Variants in CTNNA3 observed in about 807,000 individuals in gnomAD.
CTNNA3 encodes catenin alpha-3.
CTNNA3 carries 76 observed loss-of-function variants against 95.7 expected under a neutral mutation model. The ratio of observed to expected loss-of-function variants is 0.79; its 90% CI spans 0.66 to 0.96. The LOEUF (loss-of-function observed/expected upper bound fraction) is 0.96. CTNNA3 is among the 40% of genes least tolerant of loss of function. The pLI is 0.00. For missense variants in CTNNA3, 1,191 were observed against 1,089.8 expected, an observed-to-expected ratio of 1.09 and a Z score of -1.31; for synonymous variants, 431 against 374.4, an observed-to-expected ratio of 1.15 and a Z score of -1.74.
chr10:66,114,585 AAT>A (rs888919398), intron 13 of CTNNA3, among the ~76,000 whole-genome samples: 1 of 151,558 alleles, frequency 6.6e-6, no homozygotes, highest in Non-Finnish European at 1.5e-5. Context: ...TAAAATGAAA[AAT>A]ATATATATAT....
intron 11 of CTNNA3, among the ~76,000 whole-genome samples, chr10:66,402,251 A>G (rs2093026914): frequency 6.6e-6 from 1 of 152,196 alleles, no homozygotes; most frequent in African/African-American, 2.4e-5. Flanking sequence ...TGCATTTTTT[A>G]TTATGAGAAC....
chr10:66,238,939 A>G (rs900965337), intron 13 of CTNNA3, among the ~76,000 whole-genome samples: 2 of 151,894 alleles, frequency 1.3e-5, no homozygotes, highest in Non-Finnish European at 2.9e-5. Context: ...TATGGTTTGT[A>G]TTTATGAGGA....
chr10:66,793,536 C>G (rs975786110), intron 7 of CTNNA3, among the ~76,000 whole-genome samples: 1 of 151,910 alleles, frequency 6.6e-6, no homozygotes, highest in Non-Finnish European at 1.5e-5. Flanking sequence ...TGTCCAGTAT[C>G]TATTATACAC....
At chr10:67,475,359 A>G (rs1847970265) in intron 5 of CTNNA3, among the ~76,000 whole-genome samples, 1 of 152,188 alleles carries the variant, frequency 6.6e-6, no homozygotes, top group African/African-American at 2.4e-5. Context: ...AACTGTATGC[A>G]TTTTCAAAAC....
At chr10:66,579,851 T>A (rs1843127577) in intron 10 of CTNNA3, among the ~76,000 whole-genome samples, 1 of 151,784 alleles carries the variant, frequency 6.6e-6, no homozygotes, top group South Asian at 2.1e-4. Context: ...CAGTGTCATC[T>A]GAACGTTCTT....
At chr10:66,553,383 T>A (rs1364328154) in intron 10 of CTNNA3, among the ~76,000 whole-genome samples, 1 of 151,594 alleles carries the variant, frequency 6.6e-6, no homozygotes, top group Non-Finnish European at 1.5e-5. Flanking sequence ...TCCTTTTGGT[T>A]GATCATTGTT....
intron 1 of CTNNA3, among the ~76,000 whole-genome samples, chr10:67,652,633 C>T (rs1839908658): frequency 6.6e-6 from 1 of 152,204 alleles, no homozygotes; most frequent in African/African-American, 2.4e-5. Flanking sequence ...TGGGCACTTA[C>T]TCTTATAGTT....
At position 66,242,371 on chromosome 10, in the gene CTNNA3, A is replaced by G. The variant is rs114032194; in HGVS notation, c.1884+38099T>C. Among the ~76,000 whole-genome samples the G allele has an allele frequency of 8.4e-3, 1,286 of 152,298 alleles. 21 individuals carry two copies. Among genetic ancestry groups the G allele is most frequent in the African/African-American group, 0.029 (1,226 of 41,560 alleles). The stretch of plus-strand genomic sequence containing the variant: ...AGCTTTTCACTTATTAAAAGACACC[A>G]TTAAGAAAATGGAGAAGCAAGCCAC... On this transcript the variant is annotated intron_variant, in intron 13 of 17. Coordinates refer to ENST00000433211, the MANE Select transcript of CTNNA3 (RefSeq NM_013266.4).
At chr10:66,567,897 T>C (rs1842761378) in intron 10 of CTNNA3, among the ~76,000 whole-genome samples, 1 of 152,154 alleles carries the variant, frequency 6.6e-6, no homozygotes, top group South Asian at 2.1e-4. Flanking sequence ...TAAACTTCAT[T>C]TGCTCTTCTG....
At chr10:67,088,338 C>T (rs1383636460) in intron 7 of CTNNA3, among the ~76,000 whole-genome samples, 2 of 151,784 alleles carry the variant, frequency 1.3e-5, no homozygotes, top group Non-Finnish European at 2.9e-5. Context: ...GTTTTGTAGA[C>T]ATTAGCATGT....
At chr10:67,240,916 T>G (rs1865695903) in intron 5 of CTNNA3, among the ~76,000 whole-genome samples, 1 of 152,188 alleles carries the variant, frequency 6.6e-6, no homozygotes, top group South Asian at 2.1e-4. Flanking sequence ...AAATACAATA[T>G]GTATTACATT....
intron 9 of CTNNA3, among the ~76,000 whole-genome samples, chr10:66,628,280 C>G (rs1411105033): frequency 6.6e-6 from 1 of 151,826 alleles, no homozygotes; most frequent in Non-Finnish European, 1.5e-5. Context: ...TTTTAAAGTC[C>G]TGTGTACAAC....
intron 7 of CTNNA3, among the ~76,000 whole-genome samples, chr10:67,139,405 CCAAAGTGCTGGGACCACAGG>C (rs1860443469): frequency 6.6e-6 from 1 of 151,710 alleles, no homozygotes; most frequent in African/African-American, 2.4e-5. Context: ...CCTCAGCCTC[CCAAAGTGCTGGGACCACAGG>C]CACGAGCCAC....
At chr10:66,160,361 A>G (rs1589596101) in intron 13 of CTNNA3, among the ~76,000 whole-genome samples, 1 of 151,832 alleles carries the variant, frequency 6.6e-6, no homozygotes, top group African/African-American at 2.4e-5. Context: ...AAAATTCCAG[A>G]GGTTTTGTTA....
intron 5 of CTNNA3, among the ~76,000 whole-genome samples, chr10:67,229,736 T>C (rs1310183002): frequency 1.3e-5 from 2 of 151,654 alleles, no homozygotes; most frequent in South Asian, 4.2e-4. Context: ...AAAAATAAAA[T>C]AAAATAAAAT....
intron 15 of CTNNA3, among the ~76,000 whole-genome samples, chr10:66,050,545 C>A (rs1279359733): frequency 1.3e-5 from 2 of 152,044 alleles, no homozygotes; most frequent in Non-Finnish European, 2.9e-5. Flanking sequence ...GATCATCCTG[C>A]CTCAGCCTCT....
At chr10:67,047,057 T>C (rs1388926679) in intron 7 of CTNNA3, among the ~76,000 whole-genome samples, 1 of 152,176 alleles carries the variant, frequency 6.6e-6, no homozygotes, top group Non-Finnish European at 1.5e-5. Flanking sequence ...CTGTATCTGA[T>C]TCCTTGCTTC....
intron 3 of CTNNA3, among the ~76,000 whole-genome samples, chr10:67,570,847 C>A (rs1180252162): frequency 6.6e-6 from 1 of 152,132 alleles, no homozygotes; most frequent in South Asian, 2.1e-4. Flanking sequence ...TTTGGTTCAT[C>A]ATTTTCATAC....
chr10:65,917,517 G>A lies in CTNNA3; in HGVS notation c.*2813C>T, dbSNP rs745818809. 2 of 151,542 alleles carry A rather than the reference G, an allele frequency of 1.3e-5. No individual in the cohort carries two copies. The highest frequency in any genetic ancestry group is 2.4e-5 in the African/African-American group (1 of 41,254). 9.4% of individuals were successfully genotyped at this position (151,542 alleles called of 1,614,324 possible). On this transcript the variant is annotated 3_prime_UTR_variant, in exon 18 of 18. Coordinates refer to ENST00000433211, the MANE Select transcript of CTNNA3 (RefSeq NM_013266.4). ...TCTAACATCTGGCAGGGATACTGGT[G>A]GGTAACCAGGGATGGAACTGCTCCT...
Sources: allele counts gnomAD v4.1 joint callset (sites outside exome capture counted in the v4.1 genomes callset), GRCh38; gene constraint gnomAD v4.1.1; transcripts MANE v1.5; gene names NCBI Gene and HGNC (gene_info 2026-07-23, HGNC 2026-07-21).